The following HIVEP2 variants were observed in gnomAD, a reference collection of about 807,000 sequenced individuals.
HIVEP2 encodes transcription factor HIVEP2.
In HIVEP2, 14 loss-of-function variants were observed where a neutral mutation model predicts 180.7. The observed-to-expected ratio is 0.08, with a 90% CI of 0.05 to 0.12. The LOEUF is 0.12. HIVEP2 is among the 10% of genes least tolerant of loss of function. HIVEP2 has a pLI of 1.00. For synonymous variants in HIVEP2, 1,184 were observed against 1,136.4 expected (o/e 1.04, Z -0.84); for missense variants, 2,579 against 3,008.5 (o/e 0.86, Z 3.34).
At chr6:142,830,662 T>C (rs190529573) in intron 2 of HIVEP2, among the ~76,000 whole-genome samples, 2 of 152,314 alleles carry the variant, frequency 1.3e-5, no homozygotes, top group East Asian at 1.9e-4. Flanking sequence ...AGTAAAGTAC[T>C]ATAAAATACA....
intron 2 of HIVEP2, among the ~76,000 whole-genome samples, chr6:142,786,787 C>T (rs1776009234): frequency 6.6e-6 from 1 of 152,154 alleles, no homozygotes; most frequent in South Asian, 2.1e-4. Context: ...AAACAAGTTA[C>T]AGTTAATGCT....
chr6:142,897,077 T>C (rs538220625), intron 1 of HIVEP2, among the ~76,000 whole-genome samples: 1 of 152,018 alleles, frequency 6.6e-6, no homozygotes, highest in South Asian at 2.1e-4. Context: ...AATAGAAAGG[T>C]GGAAACATAG....
intron 2 of HIVEP2, among the ~76,000 whole-genome samples, chr6:142,810,126 C>T (rs1177147432): frequency 6.6e-6 from 1 of 152,070 alleles, no homozygotes; most frequent in African/African-American, 2.4e-5. Context: ...CAACACCTAC[C>T]CTGCAGAATG....
rs1342652670 is a variant in HIVEP2, at chr6:142,769,872, T to G, written c.4867A>C (p.Thr1623Pro). ...TCTGCCATGTCCGTGAGAAGAAGAG[T>G]TGAGTCTGCCACGTTCCCGCTGGGG... Reference protein sequence around the residue: ...SAPSGNVADSTLLLTDMADFQ... With the variant: ...SAPSGNVADSPLLLTDMADFQ... Residue 1623 changes from threonine to proline, a missense_variant, in exon 5 of 10, where the codon ACT (threonine) becomes CCT (proline). This residue lies in a region of HIVEP2 where 349 missense variants were observed against 367.2 expected (regional missense o/e 0.95). Transcript: ENST00000367603. 2.5e-6 allele frequency: 4 copies of G among 1,613,972 alleles called. No individual in the cohort carries two copies. The highest frequency in any genetic ancestry group is 3.4e-6 in the Non-Finnish European group (4 of 1,180,030).
chr6:142,813,610 T>C lies in HIVEP2; in HGVS notation c.-528+23325A>G, dbSNP rs904329425. Among the ~76,000 whole-genome samples, 8 of 150,748 alleles carry C rather than the reference T, an allele frequency of 5.3e-5. No individual in the cohort carries two copies. The East Asian group carries it at 1.6e-3, about 29-fold the overall frequency. On this transcript the variant is annotated intron_variant, in intron 2 of 9. Transcript: ENST00000367603. Reference sequence around the variant, plus strand: ...TTTTTTTTGAGACATGATCTTGCTCTGTCACCCAGGCTAGAGTACAGTGGC... The same window carrying C: ...TTTTTTTTGAGACATGATCTTGCTCCGTCACCCAGGCTAGAGTACAGTGGC...
rs188574863 is a variant in HIVEP2 at position 142,917,698 on chromosome 6, A to C, written c.-641+27401T>G. On this transcript the variant is annotated intron_variant, in intron 1 of 9. Transcript: ENST00000367603. ...TCCATATCCCAAATAATCATATCTG[A>C]GTATTAGACACAGAAATTCTGCTCT... is the stretch of plus-strand genomic sequence containing the variant. Among the ~76,000 whole-genome samples the C allele has an allele frequency of 7.0e-3, 1,063 of 152,308 alleles. 6 individuals carry two copies. Among genetic ancestry groups the C allele is most frequent in the Non-Finnish European group, 0.011 (746 of 68,018 alleles).
intron 2 of HIVEP2, among the ~76,000 whole-genome samples, chr6:142,804,172 C>T (rs1422774015): frequency 1.3e-5 from 2 of 152,150 alleles, no homozygotes; most frequent in African/African-American, 4.8e-5. Flanking sequence ...TAAACAATCA[C>T]ACCTTAGTGA....
chr6:142,837,664 T>C (rs1006549578), intron 1 of HIVEP2, among the ~76,000 whole-genome samples: 1 of 152,112 alleles, frequency 6.6e-6, no homozygotes, highest in Non-Finnish European at 1.5e-5. Context: ...TATTTATAAA[T>C]AATATTGGTT....
At position 142,753,230 on chromosome 6, in the gene HIVEP2, G is replaced by T; in HGVS notation, c.7218C>A (p.His2406Gln). 6.2e-7 allele frequency: 1 copy of T among 1,614,110 alleles called. No homozygotes were observed. The highest frequency in any genetic ancestry group is 1.1e-5 in the South Asian group (1 of 91,086). The stretch of plus-strand genomic sequence containing the variant: ...CACAACTCTTGCTGTAAAACGTGGA[G>T]TGAGCTAATGGAGTCTGTGATGTAC... ...NFGTSQTPLA[H>Q]STFYSKSCVD... Residue 2406 changes from histidine (H) to glutamine (Q), a missense_variant, in exon 10 of 10, where the codon CAC (histidine) becomes CAA (glutamine). By Grantham distance (24) the His-to-Gln change is conservative. Transcript: ENST00000367603.
chr6:142,755,596 C>A (rs1399478355), intron 9 of HIVEP2, among the ~76,000 whole-genome samples: 1 of 152,086 alleles, frequency 6.6e-6, no homozygotes, highest in Non-Finnish European at 1.5e-5. Flanking sequence ...GTGGGGAAAC[C>A]AAGGAAGTGG....
chr6:142,859,027 A>G lies in HIVEP2; in HGVS notation c.-640-21980T>C, dbSNP rs187618583. Among the ~76,000 whole-genome samples the G allele has an allele frequency of 3.0e-3, 458 of 152,334 alleles. 4 individuals are homozygous for G. The highest frequency in any genetic ancestry group is 3.8e-3 in the Admixed American group (58 of 15,304). ...CTGGGCTCAGCACACCTGGCACATA[A>G]CAAGTGCTCAATAAACATTTGATGG... On this transcript the variant is annotated intron_variant, in intron 1 of 9. Coordinates refer to ENST00000367603, the MANE Select transcript of HIVEP2 (RefSeq NM_006734.4).
chr6:142,921,130 G>A (rs553113976), intron 1 of HIVEP2, among the ~76,000 whole-genome samples: 9 of 152,336 alleles, frequency 5.9e-5, no homozygotes, highest in African/African-American at 1.9e-4. Context: ...GAGCTTAAAT[G>A]CAAGCTCCAA....
intron 3 of HIVEP2, among the ~76,000 whole-genome samples, chr6:142,777,807 TA>T (rs1331361753): frequency 1.3e-5 from 2 of 152,078 alleles, no homozygotes; most frequent in Non-Finnish European, 2.9e-5. Flanking sequence ...TCTTTTTAAA[TA>T]AAACACTAGT....
At chr6:142,798,448 A>G (rs1420604968) in intron 2 of HIVEP2, among the ~76,000 whole-genome samples, 2 of 152,134 alleles carry the variant, frequency 1.3e-5, no homozygotes, top group African/African-American at 4.8e-5. Flanking sequence ...TGCTGTCAAT[A>G]GTGTCATACA....
intron 3 of HIVEP2, among the ~76,000 whole-genome samples, chr6:142,780,597 TA>T (rs1438712794): frequency 6.6e-6 from 1 of 152,178 alleles, no homozygotes; most frequent in Non-Finnish European, 1.5e-5. Flanking sequence ...TATGAACCAT[TA>T]AAAATATGGA....
rs1037882887 is a variant in HIVEP2 at position 142,945,107 on chromosome 6, G to A, written c.-649C>T. The A allele has an allele frequency of 1.3e-4, 19 of 146,996 alleles. No homozygotes were observed. The highest frequency in any genetic ancestry group is 4.2e-4 in the African/African-American group (17 of 40,676). 9.1% of individuals were successfully genotyped at this position (146,996 alleles called of 1,614,324 possible). On this transcript the variant is annotated 5_prime_UTR_variant, in exon 1 of 10. Coordinates refer to ENST00000367603, the MANE Select transcript of HIVEP2 (RefSeq NM_006734.4). The surrounding 1 kb of genome is among the most constrained non-coding windows in gnomAD (Gnocchi z 5.5). ...GCCCCCTCCCCCGCTACCTGACAAC[G>A]GGCCGCCGCCGGCCGCCGCAGCCGC... is the stretch of plus-strand genomic sequence containing the variant.
At chr6:142,843,342 G>A (rs1775419228) in intron 1 of HIVEP2, among the ~76,000 whole-genome samples, 1 of 143,628 alleles carries the variant, frequency 7.0e-6, no homozygotes, top group Non-Finnish European at 1.5e-5. Flanking sequence ...CATAACAGGT[G>A]ACTGAGCTAA....
At position 142,753,258 on chromosome 6, in the gene HIVEP2, A is replaced by G; in HGVS notation, c.7190T>C (p.Phe2397Ser). 6.2e-7 allele frequency: 1 copy of G among 1,614,128 alleles called. No individual in the cohort carries two copies. The highest frequency in any genetic ancestry group is 1.3e-5 in the African/African-American group (1 of 75,038). The change falls in exon 10 of 10, where the codon TTT (phenylalanine) becomes TCT (serine). Residue 2397 changes from phenylalanine (F) to serine (S), a missense_variant. Coordinates refer to ENST00000367603, the MANE Select transcript of HIVEP2 (RefSeq NM_006734.4). ...PDLHDGEKDN[F>S]GTSQTPLAHS... ...AGCTAATGGAGTCTGTGATGTACCA[A>G]AATTGTCCTTTTCACCATCATGCAA...
At chr6:142,917,431 A>G (rs781264939) in intron 1 of HIVEP2, among the ~76,000 whole-genome samples, 93 of 152,262 alleles carry the variant, frequency 6.1e-4, no homozygotes, top group Non-Finnish European at 1.1e-3. Context: ...CATCCACGTG[A>G]CACTACATGC....
Sources: gnomAD v4.1 joint callset for allele counts (sites outside exome capture counted in the v4.1 genomes callset) on GRCh38, gnomAD v4.1.1 for gene constraint, gnomAD v4.1.1 regional missense constraint, Gnocchi (gnomAD v3.1) non-coding constraint, MANE v1.5 for transcripts, NCBI Gene and HGNC (gene_info 2026-07-23, HGNC 2026-07-21) for gene names.